The following PLCH1 variants were observed in gnomAD, a reference collection of about 807,000 sequenced individuals.
PLCH1 encodes the protein phospholipase C eta 1.
A neutral mutation model predicts 126.7 loss-of-function variants in PLCH1; 60 were observed. That is an observed-to-expected ratio of 0.47 (90% CI 0.38 to 0.59). The LOEUF (loss-of-function observed/expected upper bound fraction) is 0.59, where lower values mean the gene tolerates loss of function less well. PLCH1 is among the 20% of genes least tolerant of loss of function. PLCH1 has a pLI of 0.00. For missense variants in PLCH1, 1,723 were observed against 2,040.0 expected, an observed-to-expected ratio of 0.84 and a Z score of 2.99; for synonymous variants, 719 against 734.9, an observed-to-expected ratio of 0.98 and a Z score of 0.35.
chr3:155,565,341 T>C (rs541122812), intron 7 of PLCH1, among the ~76,000 whole-genome samples: 1 of 152,292 alleles, frequency 6.6e-6, no homozygotes, highest in Admixed American at 6.5e-5. Flanking sequence ...TAATCCCCTA[T>C]GTTGGAGGTG....
intron 6 of PLCH1, among the ~76,000 whole-genome samples, chr3:155,568,601 G>A (rs1013375119): frequency 1.2e-4 from 18 of 152,138 alleles, no homozygotes; most frequent in Non-Finnish European, 2.5e-4. Context: ...TTATCAATGT[G>A]AATCCATTGC....
intron 2 of PLCH1, among the ~76,000 whole-genome samples, chr3:155,664,696 T>G (rs1312927594): frequency 6.6e-6 from 1 of 152,244 alleles, no homozygotes; most frequent in African/African-American, 2.4e-5. Context: ...GAGCTGTATG[T>G]TGATGAAAGC....
chr3:155,482,154 G>T lies in PLCH1; in HGVS notation c.3872C>A (p.Ala1291Asp). 6.2e-7 allele frequency: 1 copy of T among 1,614,164 alleles called. No individual in the cohort carries two copies. Among genetic ancestry groups the T allele is most frequent in the East Asian group, 2.2e-5 (1 of 44,884 alleles). Reference sequence around the variant, plus strand: ...GGATCCAGGCAGGTTGCTTTCTAAGGCCGCTGTCTTGGCCTTACTAGAAAG... The same window carrying T: ...GGATCCAGGCAGGTTGCTTTCTAAGTCCGCTGTCTTGGCCTTACTAGAAAG... ...DDLSSKAKTA[A>D]LESNLPGSPN... Residue 1291 changes from alanine (A) to aspartate (D), a missense_variant, in exon 23 of 23, where the codon GCC (alanine) becomes GAC (aspartate). By Grantham distance (126) the Ala-to-Asp change is moderately radical. Around this residue, in one of 2 missense-constraint regions of PLCH1, gnomAD observed 947 missense variants for 977.1 expected, o/e 0.97. Transcript: ENST00000460012.
chr3:155,622,278 G>C (rs1736615966), intron 2 of PLCH1, among the ~76,000 whole-genome samples: 3 of 152,118 alleles, frequency 2.0e-5, no homozygotes, highest in Admixed American at 2.0e-4. Flanking sequence ...ACATGGAAAA[G>C]AACAACCAGT....
At position 155,458,472 on chromosome 3, in the gene PLCH1, AAG is replaced by A. The variant is rs1370094399; in HGVS notation, c.2938+26882_2938+26883del. ...AAGGAAGGAAAGAAAGAAAGAAAGA[AAG>A]AAAGAAAGAAAGAAAGAAAGAAAGA... is the stretch of plus-strand genomic sequence containing the variant. On this transcript the variant is annotated intron_variant, in intron 21 of 21. Coordinates refer to the PLCH1 transcript ENST00000494598. 5.0e-3 allele frequency among the ~76,000 whole-genome samples: 550 copies of A among 110,042 alleles called. 13 individuals carry two copies. Among genetic ancestry groups the A allele is most frequent in the African/African-American group, 8.2e-3 (110 of 13,416 alleles). 72.2% of individuals were successfully genotyped at this position (110,042 alleles called of 152,430 possible).
At chr3:155,651,330 T>C (rs1040368649) in intron 2 of PLCH1, among the ~76,000 whole-genome samples, 7 of 152,178 alleles carry the variant, frequency 4.6e-5, no homozygotes, top group African/African-American at 1.7e-4. Flanking sequence ...ACTTAAATCA[T>C]GGTACAGTCA....
intron 22 of PLCH1, among the ~76,000 whole-genome samples, chr3:155,484,210 T>C (rs997730964): frequency 1.3e-5 from 2 of 152,196 alleles, no homozygotes; most frequent in African/African-American, 2.4e-5. Flanking sequence ...TACCTCAAAA[T>C]TGCTTTCTAA....
At position 155,662,676 on chromosome 3, in the gene PLCH1, G is replaced by GT. The variant is rs534638463; in HGVS notation, c.79+41469dup. 3.8e-3 allele frequency among the ~76,000 whole-genome samples: 576 copies of GT among 151,636 alleles called. 1 individual carries two copies. The highest frequency in any genetic ancestry group is 7.0e-3 in the Admixed American group (106 of 15,206). On this transcript the variant is annotated intron_variant, in intron 2 of 22. Coordinates refer to ENST00000460012, the MANE Select transcript of PLCH1 (RefSeq NM_014996.4). ...GTTTATGTATTTCTTTTTTTGTTTT[G>GT]TTTTTTTAGATGGAGTCTCACTCTG...
intron 1 of PLCH1, among the ~76,000 whole-genome samples, chr3:155,715,726 C>T (rs1196691173): frequency 1.3e-5 from 2 of 151,406 alleles, no homozygotes; most frequent in Non-Finnish European, 2.9e-5. Flanking sequence ...GATCCTCATG[C>T]CTCAGCCTTC....
intron 2 of PLCH1, among the ~76,000 whole-genome samples, chr3:155,702,044 G>C (rs1457460788): frequency 6.6e-6 from 1 of 152,148 alleles, no homozygotes; most frequent in East Asian, 1.9e-4. Context: ...AGTAATTCTT[G>C]AATGTAAGAA....
chr3:155,551,045 A>C (rs570221117), intron 9 of PLCH1, among the ~76,000 whole-genome samples: 35 of 152,280 alleles, frequency 2.3e-4, no homozygotes, highest in African/African-American at 8.2e-4. Context: ...AAAGTGCTAG[A>C]AGAGGGAAAA....
intron 2 of PLCH1, among the ~76,000 whole-genome samples, chr3:155,672,114 A>C (rs1160216775): frequency 6.6e-6 from 1 of 152,156 alleles, no homozygotes; most frequent in East Asian, 1.9e-4. Context: ...GAAGGACCTA[A>C]GAGAAAACGT....
At chr3:155,581,020 C>A (rs1165183796) in intron 6 of PLCH1, among the ~76,000 whole-genome samples, 1 of 152,178 alleles carries the variant, frequency 6.6e-6, no homozygotes, top group African/African-American at 2.4e-5. Flanking sequence ...CAAGCACCCA[C>A]CCATATTTCA....
At chr3:155,454,033 T>C (rs1712378127) in intron 21 of PLCH1, among the ~76,000 whole-genome samples, 1 of 152,020 alleles carries the variant, frequency 6.6e-6, no homozygotes, top group Non-Finnish European at 1.5e-5. Context: ...GAAGATATAA[T>C]AGTATGCCAT....
intron 1 of PLCH1, among the ~76,000 whole-genome samples, chr3:155,737,248 A>AAAAAAAAAAAAAAAT: frequency 6.7e-6 from 1 of 150,080 alleles, no homozygotes; most frequent in Non-Finnish European, 1.5e-5. Flanking sequence ...AAAAAAAAAA[A>AAAAAAAAAAAAAAAT]AGAGTATATG....
intron 11 of PLCH1, among the ~76,000 whole-genome samples, chr3:155,515,149 T>C (rs1720144888): frequency 6.6e-6 from 1 of 152,198 alleles, no homozygotes; most frequent in Admixed American, 6.5e-5. Context: ...ATAAGTATTA[T>C]TATCATTTCC....
intron 9 of PLCH1, among the ~76,000 whole-genome samples, chr3:155,552,899 C>T (rs1431895650): frequency 4.6e-5 from 7 of 152,146 alleles, no homozygotes; most frequent in Admixed American, 3.9e-4. Context: ...TTGGTTGAGT[C>T]TAGAATGACT....
Position 155,630,148 on chromosome 3 carries a change from G to A in PLCH1, c.80-33770C>T, listed in dbSNP as rs188185013. Among the ~76,000 whole-genome samples the A allele has an allele frequency of 2.0e-5, 3 of 152,252 alleles. No homozygotes were observed. The East Asian group carries it at 5.8e-4, about 29-fold the overall frequency. ...TAACTACATACATTTTTGTTCACTG[G>A]ACTAATGAATTGGTGGTTCAACAAA... On this transcript the variant is annotated intron_variant, in intron 2 of 22. Transcript: ENST00000460012.
chr3:155,651,387 A>G (rs996200407), intron 2 of PLCH1, among the ~76,000 whole-genome samples: 1 of 152,226 alleles, frequency 6.6e-6, no homozygotes, highest in Admixed American at 6.6e-5. Context: ...TAAGACAGAT[A>G]TAAGTTAGGA....
Sources: allele counts gnomAD v4.1 joint callset (sites outside exome capture counted in the v4.1 genomes callset), GRCh38; gene constraint gnomAD v4.1.1; regional missense constraint gnomAD v4.1.1; transcripts MANE v1.5; gene names NCBI Gene and HGNC (gene_info 2026-07-23, HGNC 2026-07-21).